The following STPG4 variants were observed in gnomAD, a reference collection of about 807,000 sequenced individuals.
STPG4 encodes protein STPG4.
STPG4 carries 41 observed loss-of-function variants against 31.5 expected under a neutral mutation model. That is an observed-to-expected ratio of 1.30 (90% CI 1.01 to 1.69). STPG4 has a LOEUF of 1.69. Ranked by LOEUF, STPG4 falls within the 40% of genes most tolerant of loss-of-function variation. The pLI, the probability that STPG4 is intolerant of heterozygous loss-of-function variation, is 0.00. For synonymous variants in STPG4, 141 were observed against 103.0 expected (o/e 1.37, Z -2.24); for missense variants, 375 against 293.4 (o/e 1.28, Z -2.03).
At chr2:47,124,274 C>T (rs1411956533) in intron 5 of STPG4, among the ~76,000 whole-genome samples, 3 of 152,110 alleles carry the variant, frequency 2.0e-5, no homozygotes, top group East Asian at 1.9e-4. Context: ...TGTGAGCCAC[C>T]GTGCCCAGCC....
chr2:47,112,323 C>T (rs1686054980), intron 5 of STPG4, among the ~76,000 whole-genome samples: 1 of 151,086 alleles, frequency 6.6e-6, no homozygotes, highest in African/African-American at 2.4e-5. Context: ...TGCACCACCA[C>T]ACCCAGCTAA....
chr2:47,137,381 A>G (rs963974823), intron 3 of STPG4, among the ~76,000 whole-genome samples: 1 of 152,110 alleles, frequency 6.6e-6, no homozygotes, highest in Admixed American at 6.5e-5. Flanking sequence ...TTAATTTGCT[A>G]TCATTTTGTT....
chr2:47,107,140 G>T (rs72808568), intron 5 of STPG4, among the ~76,000 whole-genome samples: 1 of 151,960 alleles, frequency 6.6e-6, no homozygotes, highest in Non-Finnish European at 1.5e-5. Flanking sequence ...GCTCTCTCTC[G>T]CTTTCAGCAC....
chr2:47,131,798 C>A (rs946567690), intron 3 of STPG4, among the ~76,000 whole-genome samples: 1 of 152,192 alleles, frequency 6.6e-6, no homozygotes, highest in Non-Finnish European at 1.5e-5. Flanking sequence ...GAAATTGTTG[C>A]AAACAACCCG....
intron 5 of STPG4, among the ~76,000 whole-genome samples, chr2:47,091,792 C>T (rs1438935547): frequency 6.6e-6 from 1 of 152,046 alleles, no homozygotes; most frequent in Non-Finnish European, 1.5e-5. Flanking sequence ...CCCAGCAATT[C>T]CAGTTTTAGG....
intron 3 of STPG4, among the ~76,000 whole-genome samples, chr2:47,144,817 G>A (rs1466081713): frequency 3.3e-5 from 5 of 152,026 alleles, no homozygotes; most frequent in African/African-American, 4.8e-5. Context: ...TGCAACCTCC[G>A]CCTCCCAGGT....
At chr2:47,122,686 A>AT (rs5830942) in intron 5 of STPG4, among the ~76,000 whole-genome samples, 12 of 150,282 alleles carry the variant, frequency 8.0e-5, no homozygotes, top group African/African-American at 1.5e-4. Context: ...AGTTTTCTCA[A>AT]TTTTTTTTTT....
chr2:47,143,701 G>A (rs528666276), intron 3 of STPG4, among the ~76,000 whole-genome samples: 1 of 152,012 alleles, frequency 6.6e-6, no homozygotes, highest in South Asian at 2.1e-4. Flanking sequence ...TGTTAGCCAT[G>A]ATGGTCTCGA....
intron 6 of STPG4, among the ~76,000 whole-genome samples, chr2:47,087,648 C>T (rs1018967962): frequency 6.6e-6 from 1 of 152,194 alleles, no homozygotes; most frequent in Non-Finnish European, 1.5e-5. Context: ...AACCAGGGTC[C>T]ATGGACCCCA....
At chr2:47,138,212 T>G (rs763545905) in intron 3 of STPG4, among the ~76,000 whole-genome samples, 50 of 152,338 alleles carry the variant, frequency 3.3e-4, no homozygotes, top group Non-Finnish European at 4.7e-4. Context: ...AACATTTCTC[T>G]TCAGACATTT....
In STPG4 at chr2:47,087,063, T is replaced by C. The variant is rs1050624433; in HGVS notation, c.692A>G (p.Lys231Arg). ...GAAAAGGCTATGCTCTTGGCCCATT[T>C]TGGCTATGGTCGGAGACTGCTTAGG... is the stretch of plus-strand genomic sequence containing the variant. ...QFPKQSPTIA[K>R]MGQEHSLFFN... The change falls in exon 7 of 7, where the codon AAA (lysine) becomes AGA (arginine). Residue 231 changes from lysine (K) to arginine (R), a missense_variant. Lys to Arg is a conservative substitution (Grantham distance 26). Coordinates refer to ENST00000445927, the MANE Select transcript of STPG4 (RefSeq NM_001163561.2). 24 of 1,551,704 alleles carry C rather than the reference T, an allele frequency of 1.5e-5. No individual in the cohort carries two copies. The highest frequency in any genetic ancestry group is 2.4e-5 in the East Asian group (1 of 40,940).
intron 5 of STPG4, among the ~76,000 whole-genome samples, chr2:47,096,966 A>G (rs560217171): frequency 3.3e-5 from 5 of 152,244 alleles, no homozygotes; most frequent in Non-Finnish European, 7.4e-5. Context: ...AGGGGAGGCC[A>G]CGGGGAGAGG....
At chr2:47,131,785 C>G (rs1375438800) in intron 3 of STPG4, among the ~76,000 whole-genome samples, 1 of 152,214 alleles carries the variant, frequency 6.6e-6, no homozygotes, top group Non-Finnish European at 1.5e-5. Flanking sequence ...CTATTTCCAT[C>G]AGGAAATTGT....
intron 3 of STPG4, among the ~76,000 whole-genome samples, chr2:47,145,932 C>T (rs1030128273): frequency 1.3e-5 from 2 of 152,088 alleles, no homozygotes; most frequent in African/African-American, 4.8e-5. Flanking sequence ...TTAAATGGGG[C>T]TCATTGAGAA....
chr2:47,118,569 G>A (rs904662443), intron 5 of STPG4, among the ~76,000 whole-genome samples: 2 of 152,170 alleles, frequency 1.3e-5, no homozygotes, highest in African/African-American at 4.8e-5. Context: ...TGTCTTCTGT[G>A]AAACCAGTCC....
At chr2:47,124,452 A>G (rs1461063948) in intron 5 of STPG4, among the ~76,000 whole-genome samples, 2 of 151,690 alleles carry the variant, frequency 1.3e-5, no homozygotes, top group Non-Finnish European at 2.9e-5. Context: ...CCATCCTTCT[A>G]CTCTCTATCT....
Position 47,102,199 on chromosome 2 carries a change from C to T in STPG4, c.520-11825G>A, listed in dbSNP as rs1005564865. Among the ~76,000 whole-genome samples, 5 of 142,002 alleles carry T rather than the reference C, an allele frequency of 3.5e-5. 1 individual carries two copies. Among genetic ancestry groups the T allele is most frequent in the Middle Eastern group, 6.6e-3 (2 of 304 alleles). 93.2% of individuals were successfully genotyped at this position (142,002 alleles called of 152,430 possible). Reference sequence around the variant, plus strand: ...TTGTTTCTGCTGCTGCGTCAGTGAGCGCAACTATTCCAATCAGCAGGGTCC... The same window carrying T: ...TTGTTTCTGCTGCTGCGTCAGTGAGTGCAACTATTCCAATCAGCAGGGTCC... On this transcript the variant is annotated intron_variant, in intron 5 of 6. Transcript: ENST00000445927.
chr2:47,120,744 CT>C (rs1182406322), intron 5 of STPG4, among the ~76,000 whole-genome samples: 1 of 151,952 alleles, frequency 6.6e-6, no homozygotes, highest in Non-Finnish European at 1.5e-5. Flanking sequence ...CTACTGTTAT[CT>C]TTTTTTTATT....
chr2:47,096,899 T>A (rs886553370), intron 5 of STPG4, among the ~76,000 whole-genome samples: 1 of 152,090 alleles, frequency 6.6e-6, no homozygotes, highest in Non-Finnish European at 1.5e-5. Context: ...CAGAATAGAA[T>A]TCAATATGAA....
Sources: gnomAD v4.1 joint callset for allele counts (sites outside exome capture counted in the v4.1 genomes callset) on GRCh38, gnomAD v4.1.1 for gene constraint, MANE v1.5 for transcripts, NCBI Gene and HGNC (gene_info 2026-07-23, HGNC 2026-07-21) for gene names.